AK9: variants seen among roughly 807,000 people sequenced by gnomAD.
AK9 encodes the protein adenylate kinase domain containing 1.
In AK9, 191 loss-of-function variants were observed where a neutral mutation model predicts 239.6. The ratio of observed to expected loss-of-function variants is 0.80; its 90% confidence interval spans 0.71 to 0.90. AK9 has a LOEUF of 0.90. AK9 is among the 40% of genes least tolerant of loss of function. The probability of loss-of-function intolerance (pLI) is 0.00; values close to 1 mark genes in which losing one functional copy is unlikely to be tolerated. For missense variants in AK9, 1,995 were observed against 2,214.7 expected, an observed-to-expected ratio of 0.90 and a Z score of 1.99; for synonymous variants, 689 against 721.0, an observed-to-expected ratio of 0.96 and a Z score of 0.71.
intron 25 of AK9, among the ~76,000 whole-genome samples, chr6:109,547,846 CAAAAAA>C (rs55899214): frequency 3.2e-4 from 39 of 121,836 alleles, no homozygotes; most frequent in Non-Finnish European, 4.8e-4. Flanking sequence ...AGCTCAGTAG[CAAAAAA>C]AAAAAAAAAA....
At position 109,610,511 on chromosome 6, in the gene AK9, G is replaced by C. The variant is rs1278819678; in HGVS notation, c.1696C>G (p.Pro566Ala). Residue 566 changes from proline to alanine, a missense_variant and splice_region_variant, in exon 17 of 41, where the codon CCA (proline) becomes GCA (alanine). This residue lies in a region of AK9 where 1,290 missense variants were observed against 1,392.7 expected (regional missense o/e 0.93). Transcript: ENST00000424296. ...ACCTCTTCTATCAAGTCTTCTGTTG[G>C]GGCTAAAGTAAAATAAGCTGATAAA... ...QDVKLYSDTA[P>A]TEDLIEEVTA... 3.2e-6 allele frequency: 5 copies of C among 1,549,426 alleles called. No individual in the cohort carries two copies. The highest frequency in any genetic ancestry group is 4.9e-5 in the East Asian group (2 of 40,862).
chr6:109,617,199 T>C (rs1379758165), intron 13 of AK9, among the ~76,000 whole-genome samples: 1 of 152,060 alleles, frequency 6.6e-6, no homozygotes, highest in Non-Finnish European at 1.5e-5. Context: ...ATAGTAAATA[T>C]GAGAACTCTT....
At chr6:109,617,672 GAAGT>G (rs1308024498) in intron 13 of AK9, among the ~76,000 whole-genome samples, 2 of 152,108 alleles carry the variant, frequency 1.3e-5, no homozygotes, top group African/African-American at 2.4e-5. Flanking sequence ...TAATTAGAAA[GAAGT>G]ATTATTTTAA....
chr6:109,653,682 T>TCTCTC (rs143980301), intron 8 of AK9, among the ~76,000 whole-genome samples: 4 of 147,644 alleles, frequency 2.7e-5, no homozygotes, highest in African/African-American at 5.2e-5. Flanking sequence ...ATTTTTTTTT[T>TCTCTC]TTTCTCTCTC....
At chr6:109,659,107 C>A in intron 7 of AK9, 121 bp downstream of exon 7, 1 of 1,290,466 alleles carries the variant, frequency 7.7e-7, no homozygotes. Flanking sequence ...CCTCCAAACT[C>A]AATAAAGATG....
intron 5 of AK9, among the ~76,000 whole-genome samples, chr6:109,670,319 T>C (rs1801881170): frequency 6.6e-6 from 1 of 152,224 alleles, no homozygotes; most frequent in Admixed American, 6.5e-5. Flanking sequence ...TAGGTTTAAG[T>C]GTCCTTTTCT....
intron 24 of AK9, among the ~76,000 whole-genome samples, chr6:109,562,420 G>A (rs12191099): frequency 0.19 from 28,836 of 152,012 alleles, 3,213 homozygotes; most frequent in South Asian, 0.34. Context: ...CTGTTTTACC[G>A]TCCTTGTCAT....
intron 27 of AK9, among the ~76,000 whole-genome samples, chr6:109,537,450 A>G (rs1782180231): frequency 6.9e-6 from 1 of 145,848 alleles, no homozygotes; most frequent in African/African-American, 2.5e-5. Flanking sequence ...TGGTGGTGAT[A>G]TCCCCTTTAT....
At chr6:109,630,878 G>C (rs184117988) in intron 12 of AK9, among the ~76,000 whole-genome samples, 10 of 151,952 alleles carry the variant, frequency 6.6e-5, no homozygotes, top group Admixed American at 2.0e-4. Flanking sequence ...ATAGACCACT[G>C]AGCCCCAAAA....
At chr6:109,547,262 G>T (rs1783683459) in intron 25 of AK9, among the ~76,000 whole-genome samples, 1 of 152,152 alleles carries the variant, frequency 6.6e-6, no homozygotes, top group Admixed American at 6.5e-5. Flanking sequence ...TGTTCCATGT[G>T]TTCATTTTAA....
intron 24 of AK9, among the ~76,000 whole-genome samples, 180 bp downstream of exon 24, chr6:109,563,417 T>C (rs962369617): frequency 1.3e-5 from 2 of 152,312 alleles, no homozygotes; most frequent in Admixed American, 1.3e-4. Flanking sequence ...TCATGAGTCT[T>C]TTTTCATACT....
chr6:109,543,469 A>T (rs1338711062), intron 26 of AK9, among the ~76,000 whole-genome samples: 1 of 152,074 alleles, frequency 6.6e-6, no homozygotes, highest in African/African-American at 2.4e-5. Context: ...TTTTTTTGAG[A>T]TGGAGTCTTG....
At chr6:109,580,507 G>C (rs1351563566) in intron 19 of AK9, among the ~76,000 whole-genome samples, 4 of 152,104 alleles carry the variant, frequency 2.6e-5, no homozygotes, top group African/African-American at 4.8e-5. Flanking sequence ...ATTATATCAG[G>C]TATTCATCGG....
intron 12 of AK9, among the ~76,000 whole-genome samples, chr6:109,625,575 T>C (rs1277104306): frequency 6.6e-6 from 1 of 152,154 alleles, no homozygotes; most frequent in Non-Finnish European, 1.5e-5. Context: ...ACGAACCCTA[T>C]TGTGAACTGC....
chr6:109,555,111 C>T lies in AK9; in HGVS notation c.2752-4809G>A, dbSNP rs369446028. Among the ~76,000 whole-genome samples, 10 of 152,152 alleles carry T rather than the reference C, an allele frequency of 6.6e-5. No individual in the cohort carries two copies. In the East Asian group the frequency reaches 7.7e-4, roughly 12 times the overall value. On this transcript the variant is annotated intron_variant, in intron 24 of 40. Coordinates refer to ENST00000424296, the MANE Select transcript of AK9 (RefSeq NM_001145128.3). ...TCTCTTCATTGTGATGTTAGGGTGTCGATTTGAGATCTTTCTAGCTTTCTG... is the reference window on the plus strand; with the variant it reads ...TCTCTTCATTGTGATGTTAGGGTGTTGATTTGAGATCTTTCTAGCTTTCTG...
intron 17 of AK9, among the ~76,000 whole-genome samples, chr6:109,592,481 C>T (rs1043090898): frequency 1.4e-5 from 2 of 139,750 alleles, no homozygotes; most frequent in Admixed American, 7.8e-5. Flanking sequence ...GAGTCTCGCT[C>T]TTTCACCCAG....
chr6:109,514,860 A>G (rs934594924), intron 31 of AK9, among the ~76,000 whole-genome samples: 2 of 152,158 alleles, frequency 1.3e-5, no homozygotes, highest in African/African-American at 4.8e-5. Context: ...TAGCACCCCA[A>G]GTGACTATAT....
rs748284750 is a variant in AK9 at position 109,493,532 on chromosome 6, T to A, written c.5573A>T (p.Tyr1858Phe). The change falls in exon 41 of 41, where the codon TAT becomes TTT. Residue 1858 changes from tyrosine to phenylalanine, a missense_variant. Transcript: ENST00000424296. ...PKGSEYTRKK[Y>F]KKKMEQFMES... ...CATAAACTGCTCCATCTTCTTCTTA[T>A]ACTTTTTTCTTGTGTATTCGGAACC... The A allele has an allele frequency of 2.5e-6, 4 of 1,614,084 alleles. No individual in the cohort carries two copies. In the South Asian group the frequency reaches 3.3e-5, roughly 13 times the overall value.
intron 12 of AK9, among the ~76,000 whole-genome samples, chr6:109,621,817 C>A (rs1794847587): frequency 7.3e-6 from 1 of 136,458 alleles, no homozygotes; most frequent in Non-Finnish European, 1.5e-5. Flanking sequence ...GGGTGCAGCG[C>A]ACCAGCATGG....
Sources: allele counts gnomAD v4.1 joint callset (sites outside exome capture counted in the v4.1 genomes callset), GRCh38; gene constraint gnomAD v4.1.1; regional missense constraint gnomAD v4.1.1; transcripts MANE v1.5; gene names NCBI Gene and HGNC (gene_info 2026-07-23, HGNC 2026-07-21).